The following UNC13C variants were observed in gnomAD, a reference collection of about 807,000 sequenced individuals.
UNC13C encodes unc-13 homolog C.
A neutral mutation model predicts 245.4 loss-of-function variants in UNC13C; 174 were observed. That is an observed-to-expected ratio of 0.71 (90% CI 0.63 to 0.80). The LOEUF (loss-of-function observed/expected upper bound fraction) is 0.80, where lower values mean the gene tolerates loss of function less well. Among genes scored for constraint, UNC13C ranks in the 30% least tolerant of loss-of-function variants. The probability of loss-of-function intolerance (pLI) is 0.00; values close to 1 mark genes in which losing one functional copy is unlikely to be tolerated. For missense variants in UNC13C, 2,829 were observed against 2,602.9 expected (o/e 1.09, Z -1.89); for synonymous variants, 992 against 895.1 (o/e 1.11, Z -1.93).
At chr15:53,915,518 G>C in the UNC13C span, among the ~76,000 whole-genome samples, 1 of 152,102 alleles carries the variant, frequency 6.6e-6, no homozygotes, top group Non-Finnish European at 1.5e-5. Flanking sequence ...ACCAATGAAG[G>C]ATAGATGTTT....
At chr15:54,518,295 C>T (rs1009909659) in intron 24 of UNC13C, among the ~76,000 whole-genome samples, 1 of 152,038 alleles carries the variant, frequency 6.6e-6, no homozygotes, top group Admixed American at 6.6e-5. Flanking sequence ...TTTTGGTTGG[C>T]GAGCCATGTC....
At chr15:54,043,178 A>T (rs1896887229) in intron 2 of UNC13C, among the ~76,000 whole-genome samples, 4 of 152,216 alleles carry the variant, frequency 2.6e-5, no homozygotes, top group Admixed American at 2.6e-4. Context: ...AAGTGGCTAA[A>T]ATAATTCTGG....
chr15:54,316,075 C>G (rs534536677), intron 13 of UNC13C, among the ~76,000 whole-genome samples: 9 of 152,002 alleles, frequency 5.9e-5, no homozygotes, highest in African/African-American at 2.2e-4. Context: ...TATTTCACTT[C>G]CTAAGACATG....
chr15:54,597,190 T>C (rs1171358738), intron 30 of UNC13C, among the ~76,000 whole-genome samples: 1 of 152,060 alleles, frequency 6.6e-6, no homozygotes, highest in African/African-American at 2.4e-5. Context: ...GGAGCTCAGG[T>C]GGTAATGCTC....
intron 2 of UNC13C, among the ~76,000 whole-genome samples, chr15:54,056,376 T>C (rs1053253540): frequency 1.3e-5 from 2 of 151,656 alleles, no homozygotes; most frequent in Admixed American, 6.6e-5. Context: ...GAAGACGAAA[T>C]GAATGAAATG....
chr15:54,607,782 A>G (rs912443606), intron 30 of UNC13C, among the ~76,000 whole-genome samples: 17 of 152,138 alleles, frequency 1.1e-4, no homozygotes, highest in African/African-American at 3.6e-4. Flanking sequence ...TTAAACAAGC[A>G]GATCTCTTGA....
chr15:53,848,667 G>A, the UNC13C span, among the ~76,000 whole-genome samples: 1 of 152,008 alleles, frequency 6.6e-6, no homozygotes. Flanking sequence ...GGTCTTGTGT[G>A]TTTCTATTGA....
At chr15:54,259,584 A>G (rs765177273) in intron 8 of UNC13C, among the ~76,000 whole-genome samples, 4 of 152,232 alleles carry the variant, frequency 2.6e-5, no homozygotes, top group Admixed American at 6.5e-5. Flanking sequence ...ACCTCCCACA[A>G]TACGTGGGAA....
the UNC13C span, among the ~76,000 whole-genome samples, chr15:53,925,577 T>A: frequency 6.6e-6 from 1 of 152,200 alleles, no homozygotes. Flanking sequence ...CATGTTAAAT[T>A]CCGGCTTTTC....
At chr15:53,934,698 T>A in the UNC13C span, among the ~76,000 whole-genome samples, 1 of 152,312 alleles carries the variant, frequency 6.6e-6, no homozygotes, top group Non-Finnish European at 1.5e-5. Flanking sequence ...TACTCATTTC[T>A]CATAGTTTTC....
intron 4 of UNC13C, among the ~76,000 whole-genome samples, chr15:54,168,764 GA>G (rs998031496): frequency 6.6e-6 from 1 of 151,950 alleles, no homozygotes. Flanking sequence ...AATAAAAGTA[GA>G]AAAAATCAGC....
At chr15:54,539,183 C>G (rs1222094423) in intron 26 of UNC13C, among the ~76,000 whole-genome samples, 1 of 151,792 alleles carries the variant, frequency 6.6e-6, no homozygotes, top group Admixed American at 6.6e-5. Context: ...TGTTTTAATT[C>G]CATTTACCTT....
At chr15:54,086,515 G>T (rs1237251560) in intron 2 of UNC13C, among the ~76,000 whole-genome samples, 1 of 152,002 alleles carries the variant, frequency 6.6e-6, no homozygotes. Flanking sequence ...TAGAAAGTAG[G>T]CAGGTTTGAT....
At chr15:53,868,943 AC>A in the UNC13C span, among the ~76,000 whole-genome samples, 1 of 152,130 alleles carries the variant, frequency 6.6e-6, no homozygotes, top group African/African-American at 2.4e-5. Context: ...ATGGCAAAAC[AC>A]CATGTCTACA....
At chr15:54,416,122 G>A (rs2040515936) in intron 19 of UNC13C, among the ~76,000 whole-genome samples, 1 of 152,146 alleles carries the variant, frequency 6.6e-6, no homozygotes, top group Admixed American at 6.6e-5. Context: ...GGGCCTTGTG[G>A]GCCATCGTGA....
rs1894168155 is a variant in UNC13C, at chr15:54,500,696, TA to T, written c.5158-136del. 3 of 676,014 alleles carry T rather than the reference TA, an allele frequency of 4.4e-6. No individual in the cohort carries two copies. The East Asian group carries it at 8.4e-5, about 19-fold the overall frequency. 41.9% of individuals were successfully genotyped at this position (676,014 alleles called of 1,614,324 possible). A position where few individuals can be genotyped will look rare whatever the true frequency, so the allele number is the denominator to read the frequency against. On this transcript the variant is annotated intron_variant, in intron 21 of 32. Coordinates refer to ENST00000260323, the MANE Select transcript of UNC13C (RefSeq NM_001080534.3). Reference sequence around the variant, plus strand: ...TTCAAGAAAAGGAGATTAATGATTTTAAAGTGGGTAAGCATTTTATTACTGG... The same window carrying T: ...TTCAAGAAAAGGAGATTAATGATTTTAAGTGGGTAAGCATTTTATTACTGG...
At chr15:53,905,141 G>A in the UNC13C span, among the ~76,000 whole-genome samples, 2 of 152,052 alleles carry the variant, frequency 1.3e-5, no homozygotes, top group Non-Finnish European at 2.9e-5. Flanking sequence ...ACGGAAAACA[G>A]TATGAAGGTT....
chr15:53,953,781 A>C, the UNC13C span, among the ~76,000 whole-genome samples: 2 of 152,258 alleles, frequency 1.3e-5, no homozygotes, highest in Non-Finnish European at 2.9e-5. Flanking sequence ...ATTCCCTGTT[A>C]AATTGCCTCT....
the UNC13C span, among the ~76,000 whole-genome samples, chr15:53,874,071 G>C: frequency 6.6e-6 from 1 of 151,770 alleles, no homozygotes; most frequent in Non-Finnish European, 1.5e-5. Flanking sequence ...TGACCTCTAG[G>C]CTCCGTCAAT....
Sources: gnomAD v4.1 joint callset for allele counts (sites outside exome capture counted in the v4.1 genomes callset) on GRCh38, gnomAD v4.1.1 for gene constraint, MANE v1.5 for transcripts, NCBI Gene and HGNC (gene_info 2026-07-23, HGNC 2026-07-21) for gene names.